ARID3B: variants seen among roughly 807,000 people sequenced by gnomAD.
ARID3B encodes the protein AT-rich interactive domain-containing protein 3B.
ARID3B carries 10 observed loss-of-function variants against 51.9 expected under a neutral mutation model. The observed-to-expected ratio is 0.19, with a 90% CI of 0.12 to 0.33. The LOEUF is 0.33. Ranked by LOEUF, ARID3B falls within the 10% of genes least tolerant of loss-of-function variation. The probability of loss-of-function intolerance (pLI) is 1.00; values close to 1 mark genes in which losing one functional copy is unlikely to be tolerated. For synonymous variants in ARID3B, 205 were observed against 279.5 expected, an observed-to-expected ratio of 0.73 and a Z score of 2.66; for missense variants, 483 against 716.3, an observed-to-expected ratio of 0.67 and a Z score of 3.72.
intron 4 of ARID3B, among the ~76,000 whole-genome samples, chr15:74,585,314 A>G (rs2061776618): frequency 1.3e-5 from 2 of 152,228 alleles, no homozygotes; most frequent in South Asian, 2.1e-4. Context: ...TTAGAGGAAG[A>G]TAGAATACAG....
intron 2 of ARID3B, among the ~76,000 whole-genome samples, chr15:74,549,575 A>G (rs1454025466): frequency 6.6e-6 from 1 of 152,092 alleles, no homozygotes; most frequent in African/African-American, 2.4e-5. Context: ...AAAAAAAAAA[A>G]AAAAGGGAAA....
At position 74,591,703 on chromosome 15, in the gene ARID3B, A is replaced by G; in HGVS notation, c.1309A>G (p.Lys437Glu). 1.9e-6 allele frequency: 3 copies of G among 1,613,766 alleles called. No individual in the cohort carries two copies. Among genetic ancestry groups the G allele is most frequent in the Non-Finnish European group, 2.5e-6 (3 of 1,179,902 alleles). Residue 437 changes from lysine to glutamate, a missense_variant, in exon 7 of 9, where the codon AAG (lysine) becomes GAG (glutamate). Coordinates refer to ENST00000346246, the MANE Select transcript of ARID3B (RefSeq NM_006465.4). The surrounding 1 kb of genome is among the most constrained non-coding windows in gnomAD (Gnocchi z 5.8). ...GGAGTCAGGGGAGCCTGCTGAGAAG[A>G]AGGCATCGAGGCTGTCTGAGGAGGA... ...RLESGEPAEK[K>E]ASRLSEEEQR...
chr15:74,588,620 C>T (rs1199955439), intron 4 of ARID3B, among the ~76,000 whole-genome samples: 1 of 152,142 alleles, frequency 6.6e-6, no homozygotes, highest in Non-Finnish European at 1.5e-5. Flanking sequence ...CCCCTCTGAC[C>T]TCCAGATCAT....
intron 2 of ARID3B, among the ~76,000 whole-genome samples, chr15:74,561,146 TATA>T (rs2061678466): frequency 6.6e-6 from 1 of 152,230 alleles, no homozygotes; most frequent in South Asian, 2.1e-4. Context: ...AAAATTTTGA[TATA>T]GCTAAATTTA....
At chr15:74,556,044 A>G (rs2061656387) in intron 2 of ARID3B, among the ~76,000 whole-genome samples, 1 of 151,960 alleles carries the variant, frequency 6.6e-6, no homozygotes, top group African/African-American at 2.4e-5. Flanking sequence ...CGCCCGCCTC[A>G]GCCTCCGAAG....
chr15:74,570,208 G>A (rs2061714000), intron 2 of ARID3B, among the ~76,000 whole-genome samples: 1 of 152,086 alleles, frequency 6.6e-6, no homozygotes, highest in African/African-American at 2.4e-5. Flanking sequence ...GAGAAGCCAA[G>A]AGGACCCTAC....
At chr15:74,577,596 T>C (rs1411388723) in intron 4 of ARID3B, among the ~76,000 whole-genome samples, 1 of 152,014 alleles carries the variant, frequency 6.6e-6, no homozygotes, top group Non-Finnish European at 1.5e-5. Context: ...TCATGGCTCA[T>C]CGCACCCTTG....
At position 74,597,263 on chromosome 15, in the gene ARID3B, C is replaced by A; in HGVS notation, c.*1489C>A. On this transcript the variant is annotated 3_prime_UTR_variant, in exon 9 of 9. Transcript: ENST00000346246. ...AGAAAATTGATTCGCTTGCGGCTCA[C>A]CTCAGTCGAGGAAGCCCTGGAATGT... 2.6e-6 allele frequency: 1 copy of A among 383,294 alleles called. No individual in the cohort carries two copies. The allele number at this position is 383,294 out of a possible 1,614,324, so 23.7% of individuals were successfully genotyped here. A position where few individuals can be genotyped will look rare whatever the true frequency, so the allele number is the denominator to read the frequency against.
At chr15:74,565,542 G>A (rs1217632439) in intron 2 of ARID3B, among the ~76,000 whole-genome samples, 3 of 152,140 alleles carry the variant, frequency 2.0e-5, no homozygotes, top group African/African-American at 7.2e-5. Flanking sequence ...TGAGGTATGG[G>A]AACTAAAATT....
intron 7 of ARID3B, among the ~76,000 whole-genome samples, chr15:74,592,325 G>C (rs1314830818): frequency 6.6e-6 from 1 of 152,168 alleles, no homozygotes; most frequent in Non-Finnish European, 1.5e-5. Flanking sequence ...ACATTGTTCT[G>C]GTGCCCCACA....
chr15:74,552,772 A>G (rs1386617998), intron 2 of ARID3B, among the ~76,000 whole-genome samples: 4 of 152,014 alleles, frequency 2.6e-5, no homozygotes, highest in African/African-American at 9.7e-5. Flanking sequence ...TTAGTAGCTT[A>G]TTTCTTTTTG....
At chr15:74,595,064 C>G (rs1233282309) in intron 8 of ARID3B, among the ~76,000 whole-genome samples, 2 of 152,170 alleles carry the variant, frequency 1.3e-5, no homozygotes, top group Non-Finnish European at 2.9e-5. Context: ...GAGCCAGTCA[C>G]CCACCCCACC....
Position 74,576,484 on chromosome 15 carries a change from C to G in ARID3B, c.697+3280C>G, listed in dbSNP as rs538368992. 2.0e-5 allele frequency among the ~76,000 whole-genome samples: 3 copies of G among 152,074 alleles called. No homozygotes were observed. In the East Asian group the frequency reaches 5.8e-4, roughly 29 times the overall value. ...AGTCTCAGTAACATAGTGAGACCTT[C>G]TCTCTACAAAAAATGAAAACAAAAT... On this transcript the variant is annotated intron_variant, in intron 4 of 8. Transcript: ENST00000346246.
chr15:74,570,681 T>G (rs935142924), intron 2 of ARID3B, among the ~76,000 whole-genome samples: 2 of 152,142 alleles, frequency 1.3e-5, no homozygotes, highest in African/African-American at 2.4e-5. Context: ...TAATTGACTT[T>G]CCAGCAGGAA....
chr15:74,562,643 C>T (rs550408642), intron 2 of ARID3B, among the ~76,000 whole-genome samples: 1 of 152,326 alleles, frequency 6.6e-6, no homozygotes, highest in South Asian at 2.1e-4. Flanking sequence ...CGAGCCACCT[C>T]ACCTGGTCCC....
intron 4 of ARID3B, among the ~76,000 whole-genome samples, chr15:74,583,243 C>T (rs2061768408): frequency 1.3e-5 from 2 of 151,988 alleles, no homozygotes; most frequent in East Asian, 1.9e-4. Context: ...GCTGGGATGA[C>T]TCTCAGACCT....
chr15:74,553,153 A>G (rs2061644168), intron 2 of ARID3B, among the ~76,000 whole-genome samples: 1 of 152,182 alleles, frequency 6.6e-6, no homozygotes, highest in South Asian at 2.1e-4. Flanking sequence ...TTATTTAGCT[A>G]ATTATAGATT....
intron 2 of ARID3B, among the ~76,000 whole-genome samples, chr15:74,549,164 C>A (rs994537753): frequency 1.3e-5 from 2 of 151,900 alleles, no homozygotes; most frequent in African/African-American, 2.4e-5. Context: ...GGCTCCACCC[C>A]CCGGGGTTCA....
At chr15:74,562,289 C>T (rs554260804) in intron 2 of ARID3B, among the ~76,000 whole-genome samples, 2 of 152,024 alleles carry the variant, frequency 1.3e-5, no homozygotes, top group African/African-American at 4.8e-5. Flanking sequence ...TTACAGGCAT[C>T]CACCACCACA....
Sources: allele counts gnomAD v4.1 joint callset (sites outside exome capture counted in the v4.1 genomes callset), GRCh38; gene constraint gnomAD v4.1.1; non-coding constraint Gnocchi (gnomAD v3.1); transcripts MANE v1.5; gene names NCBI Gene and HGNC (gene_info 2026-07-23, HGNC 2026-07-21).